The following PKP1 variants were observed in gnomAD, a reference collection of about 807,000 sequenced individuals.
PKP1 encodes the protein plakophilin 1.
PKP1 carries 27 observed loss-of-function variants against 76.4 expected under a neutral mutation model. That is an observed-to-expected ratio of 0.35 (90% CI 0.26 to 0.49). The LOEUF is 0.49. Among genes scored for constraint, PKP1 ranks in the 20% least tolerant of loss-of-function variants. The probability of loss-of-function intolerance (pLI) is 0.99; values close to 1 mark genes in which losing one functional copy is unlikely to be tolerated. For missense variants in PKP1, 964 were observed against 955.2 expected (o/e 1.01, Z -0.12); for synonymous variants, 404 against 384.2 (o/e 1.05, Z -0.60).
chr1:201,325,677 G>T, intron 11 of PKP1, 77 bp from the exon 12 acceptor site: 1 of 1,097,030 alleles, frequency 9.1e-7, no homozygotes. Context: ...CCTGGCAGTG[G>T]GGGTGGGAGG....
At chr1:201,287,908 G>T (rs1005356355) in intron 1 of PKP1, among the ~76,000 whole-genome samples, 3 of 152,226 alleles carry the variant, frequency 2.0e-5, no homozygotes, top group African/African-American at 7.2e-5. Flanking sequence ...TTCATGTGAA[G>T]TTCCTTCTAG....
chr1:201,294,289 A>C (rs1299473875), intron 2 of PKP1, among the ~76,000 whole-genome samples: 1 of 152,220 alleles, frequency 6.6e-6, no homozygotes, highest in African/African-American at 2.4e-5. Context: ...GCATTTTTAA[A>C]AGGCATTTAA....
At chr1:201,319,916 A>G (rs374440195) in intron 6 of PKP1, 2 of 1,602,734 alleles carry the variant, frequency 1.2e-6, no homozygotes, top group East Asian at 2.2e-5. Flanking sequence ...GACCGTTGCC[A>G]CATGGAGCCA....
At chr1:201,315,017 A>G (rs1656681842) in intron 3 of PKP1, among the ~76,000 whole-genome samples, 1 of 152,202 alleles carries the variant, frequency 6.6e-6, no homozygotes, top group Non-Finnish European at 1.5e-5. Context: ...CTGGTACCAC[A>G]CTGTTCTGAA....
At chr1:201,292,086 C>T (rs1655934003) in intron 1 of PKP1, among the ~76,000 whole-genome samples, 1 of 152,164 alleles carries the variant, frequency 6.6e-6, no homozygotes, top group Non-Finnish European at 1.5e-5. Flanking sequence ...GGAGTCAGGG[C>T]TAGGCCTGGA....
chr1:201,311,430 G>A (rs1012516632), intron 2 of PKP1, among the ~76,000 whole-genome samples: 5 of 152,210 alleles, frequency 3.3e-5, no homozygotes, highest in Non-Finnish European at 7.3e-5. Flanking sequence ...ACAGCTGGGC[G>A]TGTGGGTGAA....
rs907922159 is a variant in PKP1 at position 201,313,358 on chromosome 1, C to T, written c.499C>T (p.Leu167=). The T allele has an allele frequency of 6.3e-7, 1 of 1,583,852 alleles. No homozygotes were observed. The highest frequency in any genetic ancestry group is 1.3e-5 in the African/African-American group (1 of 74,452). The change falls in exon 3 of 14, where the codon CTG becomes TTG. Residue 167 remains leucine, a synonymous_variant. Transcript: ENST00000367324. ...CCTCTACTGTGACCCACGGGGCACC[C>T]TGCGCAAGGGCACGCTGGGCAGCAA... The part of the protein sequence containing the change: ...PDLYCDPRGT[L]RKGTLGSKGQ...
Position 201,313,180 on chromosome 1 carries a change from C to T in PKP1, c.321C>T (p.Thr107=). ...GSWGYPIYNG[T]LKREPDNRRF... is the part of the protein sequence containing the mutation. ...TCCCTGGCCAGATCTACAATGGAACCCTCAAGCGGGAGCCTGACAACAGGC... is the reference window on the plus strand; with the variant it reads ...TCCCTGGCCAGATCTACAATGGAACTCTCAAGCGGGAGCCTGACAACAGGC... Residue 107 remains threonine (T), a synonymous_variant, in exon 3 of 14, where the codon ACC becomes ACT. Transcript: ENST00000367324. 1 of 1,609,660 alleles carries T rather than the reference C, an allele frequency of 6.2e-7. No individual in the cohort carries two copies. Among genetic ancestry groups the T allele is most frequent in the Non-Finnish European group, 8.5e-7 (1 of 1,178,428 alleles).
At chr1:201,286,638 G>A (rs1415225255) in intron 1 of PKP1, among the ~76,000 whole-genome samples, 2 of 152,174 alleles carry the variant, frequency 1.3e-5, no homozygotes, top group Non-Finnish European at 1.5e-5. Flanking sequence ...GCAGGAAGAA[G>A]GTGGCTTCTG....
intron 1 of PKP1, among the ~76,000 whole-genome samples, chr1:201,290,902 G>GC (rs1655897992): frequency 6.6e-6 from 1 of 152,152 alleles, no homozygotes; most frequent in African/African-American, 2.4e-5. Context: ...AGACATCGGG[G>GC]ACCAAGTGGA....
At position 201,318,711 on chromosome 1, in the gene PKP1, T is replaced by C; in HGVS notation, c.1148T>C (p.Phe383Ser). ...CTGGCCGACCGCGTCATCATTCCCT[T>C]CTCTGGCTGGTGCGATGGCAATAGC... ...PVLADRVIIP[F>S]SGWCDGNSNM... The change falls in exon 6 of 14, where the codon TTC (phenylalanine) becomes TCC (serine). Residue 383 changes from phenylalanine (F) to serine (S), a missense_variant. Transcript: ENST00000367324. 1 of 1,612,280 alleles carries C rather than the reference T, an allele frequency of 6.2e-7. No homozygotes were observed. Among genetic ancestry groups the C allele is most frequent in the East Asian group, 2.2e-5 (1 of 44,886 alleles).
chr1:201,288,194 G>C (rs1655793583), intron 1 of PKP1, among the ~76,000 whole-genome samples: 1 of 152,168 alleles, frequency 6.6e-6, no homozygotes, highest in Admixed American at 6.5e-5. Flanking sequence ...GGTTGGATTA[G>C]ATCATCTCCA....
At chr1:201,328,924 C>A in intron 13 of PKP1, 56 bp downstream of exon 13, 1 of 1,079,082 alleles carries the variant, frequency 9.3e-7, no homozygotes, top group Non-Finnish European at 1.4e-6. Flanking sequence ...CAGCCTCAGC[C>A]AGTCTCAGAG....
intron 3 of PKP1, among the ~76,000 whole-genome samples, chr1:201,314,071 G>T (rs926094303): frequency 6.6e-6 from 1 of 152,306 alleles, no homozygotes; most frequent in South Asian, 2.1e-4. Flanking sequence ...AATATGCCCC[G>T]GTATGGACGA....
At chr1:201,324,179 G>A (rs1657033953) in intron 9 of PKP1, among the ~76,000 whole-genome samples, 1 of 152,192 alleles carries the variant, frequency 6.6e-6, no homozygotes, top group Non-Finnish European at 1.5e-5. Flanking sequence ...ACTATGAGTA[G>A]GGGAAATGAG....
rs1367477066 is a variant in PKP1 at position 201,316,691 on chromosome 1, G to A, written c.840G>A (p.Lys280=). 1.2e-6 allele frequency: 2 copies of A among 1,613,726 alleles called. No homozygotes were observed. The highest frequency in any genetic ancestry group is 1.7e-4 in the Middle Eastern group (1 of 5,728). The stretch of plus-strand genomic sequence containing the variant: ...CCTGCTTCCAGGATGAATCTGCCAA[G>A]CAACAGGTAGCTGGTTGCATACCTT... ...QHTCFQDESA[K]QQVYQLGGIC... The change falls in exon 4 of 14, where the codon AAG becomes AAA. Residue 280 remains lysine, a synonymous_variant. Transcript: ENST00000367324.
chr1:201,322,777 T>A (rs1487146150), intron 8 of PKP1, among the ~76,000 whole-genome samples: 2 of 152,172 alleles, frequency 1.3e-5, no homozygotes, highest in Non-Finnish European at 2.9e-5. Flanking sequence ...TTCTCCCACA[T>A]CCTGGGACAG....
intron 2 of PKP1, 63 bp downstream of exon 2, chr1:201,294,108 G>C: frequency 8.6e-7 from 1 of 1,164,290 alleles, no homozygotes; most frequent in Non-Finnish European, 1.3e-6. Flanking sequence ...GAGGTTTATA[G>C]TGGAGAAAAC....
At chr1:201,291,970 G>A (rs1467803698) in intron 1 of PKP1, among the ~76,000 whole-genome samples, 2 of 152,216 alleles carry the variant, frequency 1.3e-5, no homozygotes, top group Non-Finnish European at 2.9e-5. Context: ...GGAGAAAGGT[G>A]GAGGAAGAGC....
Sources: allele counts gnomAD v4.1 joint callset (sites outside exome capture counted in the v4.1 genomes callset), GRCh38; gene constraint gnomAD v4.1.1; transcripts MANE v1.5; gene names NCBI Gene and HGNC (gene_info 2026-07-23, HGNC 2026-07-21).